Variants in KALRN observed in about 807,000 individuals in gnomAD.
KALRN encodes kalirin.
KALRN carries 70 observed loss-of-function variants against 353.7 expected under a neutral mutation model. The observed-to-expected ratio is 0.20, with a 90% CI of 0.16 to 0.24. The LOEUF is 0.24. Ranked by LOEUF, KALRN falls within the 10% of genes least tolerant of loss-of-function variation. KALRN has a pLI of 1.00. For missense variants in KALRN, 2,791 were observed against 3,756.7 expected (o/e 0.74, Z 6.72); for synonymous variants, 1,391 against 1,434.8 (o/e 0.97, Z 0.69).
intron 55 of KALRN, 46 bp downstream of exon 55, chr3:124,697,770 CATTT>C (rs769351184): frequency 6.9e-7 from 1 of 1,444,174 alleles, no homozygotes; most frequent in South Asian, 1.4e-5. Context: ...TCTTTTAAAA[CATTT>C]ATTTTTAAAA....
chr3:124,425,073 G>C (rs2092954757), intron 15 of KALRN, among the ~76,000 whole-genome samples: 1 of 152,120 alleles, frequency 6.6e-6, no homozygotes, highest in African/African-American at 2.4e-5. Flanking sequence ...GAACTAAAAA[G>C]GTTGATCTCA....
intron 56 of KALRN, among the ~76,000 whole-genome samples, chr3:124,700,808 A>T (rs2062286848): frequency 6.6e-6 from 1 of 152,134 alleles, no homozygotes; most frequent in African/African-American, 2.4e-5. Flanking sequence ...TGGAGTCTCC[A>T]GAGGGGTTTG....
chr3:124,411,461 T>TTTTTTTTTTTG, intron 13 of KALRN, among the ~76,000 whole-genome samples: 1 of 96,100 alleles, frequency 1.0e-5, no homozygotes, highest in Non-Finnish European at 2.2e-5. Context: ...TTTTTTTTTT[T>TTTTTTTTTTTG]AAGAAACAGG....
intron 16 of KALRN, among the ~76,000 whole-genome samples, chr3:124,431,294 C>T (rs906820585): frequency 1.4e-4 from 21 of 152,132 alleles, no homozygotes; most frequent in African/African-American, 5.1e-4. Context: ...TATTTTTACC[C>T]CGCTGAAAGC....
rs1442251429 is a variant in KALRN at position 124,446,104 on chromosome 3, G to T, written c.3314-57G>T. ...GCACCTGGGCCGTGGGGCTGAAGGG[G>T]TTGGTTGGATTTGCTCAGAGCCCCT... On this transcript the variant is annotated intron_variant, in intron 19 of 59. Transcript: ENST00000682506. 4.3e-6 allele frequency: 5 copies of T among 1,169,698 alleles called. No individual in the cohort carries two copies. The African/African-American group carries it at 4.5e-5, about 11-fold the overall frequency. 72.5% of individuals were successfully genotyped at this position (1,169,698 alleles called of 1,614,324 possible). A position where few individuals can be genotyped will look rare whatever the true frequency, so the allele number is the denominator to read the frequency against.
At chr3:124,397,197 C>T (rs1158541240) in intron 12 of KALRN, among the ~76,000 whole-genome samples, 1 of 152,148 alleles carries the variant, frequency 6.6e-6, no homozygotes, top group Non-Finnish European at 1.5e-5. Flanking sequence ...GCAGCAAAGC[C>T]CTCAACAAAT....
chr3:124,319,619 A>T (rs961928184), intron 6 of KALRN, among the ~76,000 whole-genome samples: 2 of 149,386 alleles, frequency 1.3e-5, no homozygotes, highest in African/African-American at 4.9e-5. Flanking sequence ...AAATTTTTTT[A>T]ACTTTTCTAT....
intron 4 of KALRN, among the ~76,000 whole-genome samples, chr3:124,266,212 A>G (rs2148900604): frequency 6.6e-6 from 1 of 152,354 alleles, no homozygotes; most frequent in African/African-American, 2.4e-5. Context: ...TAGTATTAAA[A>G]TATTTATTGT....
At chr3:124,165,526 C>T (rs936741447) in intron 1 of KALRN, among the ~76,000 whole-genome samples, 1 of 152,334 alleles carries the variant, frequency 6.6e-6, no homozygotes, top group East Asian at 1.9e-4. Context: ...CACATGTGGT[C>T]CCCTCCAACA....
intron 1 of KALRN, among the ~76,000 whole-genome samples, chr3:124,191,234 G>GCCCA (rs2074870765): frequency 2.6e-5 from 4 of 152,014 alleles, no homozygotes; most frequent in Admixed American, 2.0e-4. Flanking sequence ...TTTTTATGGA[G>GCCCA]TCTTCATTGT....
chr3:124,518,406 A>G (rs774676033), intron 33 of KALRN: 4 of 1,613,830 alleles, frequency 2.5e-6, no homozygotes, highest in Non-Finnish European at 3.4e-6. Context: ...ACAGGATGGC[A>G]ACCTTGTTCC....
intron 34 of KALRN, among the ~76,000 whole-genome samples, chr3:124,596,133 TCA>T (rs2076240108): frequency 6.6e-6 from 1 of 150,984 alleles, no homozygotes; most frequent in East Asian, 2.0e-4. Flanking sequence ...ACCCAATAGC[TCA>T]CAGTTTTTTC....
At position 124,519,465 on chromosome 3, in the gene KALRN, C is replaced by CT. The variant is rs753205804; in HGVS notation, c.4935+23059dup. 1.7e-3 allele frequency: 1,673 copies of CT among 985,322 alleles called. 2 individuals carry two copies. The highest frequency in any genetic ancestry group is 2.1e-3 in the African/African-American group (121 of 57,342). The allele number at this position is 985,322 out of a possible 1,614,324, so 61.0% of individuals were successfully genotyped here. A position where few individuals can be genotyped will look rare whatever the true frequency, so the allele number is the denominator to read the frequency against. ...TTTCATATATACACTCATTTTCTAA[C>CT]TTTTTTTAAAGGCCCACTGCTTTAT... On this transcript the variant is annotated intron_variant, in intron 33 of 59. Coordinates refer to ENST00000682506, the MANE Select transcript of KALRN (RefSeq NM_001388419.1).
At chr3:124,512,488 G>A (rs1289986672) in intron 33 of KALRN, among the ~76,000 whole-genome samples, 2 of 151,844 alleles carry the variant, frequency 1.3e-5, no homozygotes, top group East Asian at 1.9e-4. Flanking sequence ...TGCCACTACT[G>A]AAAATACAAA....
chr3:124,130,046 T>C (rs1243728504), intron 1 of KALRN, among the ~76,000 whole-genome samples: 1 of 152,202 alleles, frequency 6.6e-6, no homozygotes, highest in Non-Finnish European at 1.5e-5. Context: ...GAATAACAAC[T>C]CACTTACCTA....
At chr3:124,324,949 TTGTG>T (rs2079724198) in intron 6 of KALRN, among the ~76,000 whole-genome samples, 1 of 152,182 alleles carries the variant, frequency 6.6e-6, no homozygotes, top group African/African-American at 2.4e-5. Context: ...CATGCAGACA[TTGTG>T]TGATTCGGAA....
intron 37 of KALRN, among the ~76,000 whole-genome samples, chr3:124,638,346 A>C (rs1023170606): frequency 1.3e-5 from 2 of 151,924 alleles, no homozygotes; most frequent in African/African-American, 2.4e-5. Flanking sequence ...AAAAAAAAAA[A>C]AACAAAAACC....
chr3:124,488,386 G>A, intron 29 of KALRN, 71 bp downstream of exon 29: 1 of 968,742 alleles, frequency 1.0e-6, no homozygotes, highest in Non-Finnish European at 1.7e-6. Context: ...TCATGGGAGG[G>A]AAGTGGCATG....
chr3:124,481,659 A>G (rs1269945470), intron 27 of KALRN, among the ~76,000 whole-genome samples: 1 of 152,156 alleles, frequency 6.6e-6, no homozygotes, highest in African/African-American at 2.4e-5. Context: ...CATCCTCTGT[A>G]CCATTCAGTC....
Sources: gnomAD v4.1 joint callset for allele counts (sites outside exome capture counted in the v4.1 genomes callset) on GRCh38, gnomAD v4.1.1 for gene constraint, MANE v1.5 for transcripts, NCBI Gene and HGNC (gene_info 2026-07-23, HGNC 2026-07-21) for gene names.